AIG1: variants seen among roughly 807,000 people sequenced by gnomAD.
The protein encoded by AIG1 is androgen-induced gene 1 protein.
Under a neutral mutation model 31.4 loss-of-function variants are expected in AIG1, and 23 were observed. The ratio of observed to expected loss-of-function variants is 0.73; its 90% confidence interval spans 0.53 to 1.04. The LOEUF (loss-of-function observed/expected upper bound fraction) is 1.04. Among genes scored for constraint, AIG1 ranks in the 50% least tolerant of loss-of-function variants. The pLI, the probability that AIG1 is intolerant of heterozygous loss-of-function variation, is 0.00. For missense variants in AIG1, 274 were observed against 295.0 expected (o/e 0.93, Z 0.52); for synonymous variants, 100 against 110.5 (o/e 0.90, Z 0.60).
intron 3 of AIG1, among the ~76,000 whole-genome samples, chr6:143,247,240 C>T (rs1290897062): frequency 3.3e-5 from 5 of 152,188 alleles, no homozygotes; most frequent in Admixed American, 1.3e-4. Flanking sequence ...CAGGCGATTC[C>T]CCTGCTTCAG....
chr6:143,219,894 C>A (rs1023600775), intron 3 of AIG1, among the ~76,000 whole-genome samples: 2 of 152,188 alleles, frequency 1.3e-5, no homozygotes, highest in Non-Finnish European at 2.9e-5. Flanking sequence ...CCTCTGTCTG[C>A]CTTCACTACA....
At chr6:143,191,300 A>G (rs1297478761) in intron 3 of AIG1, among the ~76,000 whole-genome samples, 2 of 152,146 alleles carry the variant, frequency 1.3e-5, no homozygotes, top group Non-Finnish European at 2.9e-5. Flanking sequence ...TTAATATTTA[A>G]TATAAGATTA....
intron 3 of AIG1, among the ~76,000 whole-genome samples, chr6:143,261,217 C>A (rs371774426): frequency 6.6e-6 from 1 of 152,130 alleles, no homozygotes; most frequent in Non-Finnish European, 1.5e-5. Flanking sequence ...CTGCAATCTC[C>A]GCCTCCCGGG....
At chr6:143,212,407 C>T (rs1176775858) in intron 3 of AIG1, among the ~76,000 whole-genome samples, 1 of 152,160 alleles carries the variant, frequency 6.6e-6, no homozygotes. Flanking sequence ...GGAAGGAGCA[C>T]ACAATGTGAG....
At chr6:143,175,173 C>T (rs931774310) in intron 3 of AIG1, among the ~76,000 whole-genome samples, 7 of 152,222 alleles carry the variant, frequency 4.6e-5, no homozygotes, top group Non-Finnish European at 8.8e-5. Context: ...GAGAAATCTG[C>T]GGTTAATCTG....
At chr6:143,337,750 G>T (rs559653377) in intron 5 of AIG1, among the ~76,000 whole-genome samples, 18 of 152,190 alleles carry the variant, frequency 1.2e-4, no homozygotes, top group Non-Finnish European at 1.5e-5. Flanking sequence ...GCCCATCCAG[G>T]TCTAGCGATG....
chr6:143,157,048 T>A (rs1012192300), intron 2 of AIG1, among the ~76,000 whole-genome samples: 2 of 152,246 alleles, frequency 1.3e-5, no homozygotes, highest in Admixed American at 1.3e-4. Context: ...AAATTTATTT[T>A]TAGACCTTGC....
At chr6:143,219,755 C>A (rs1286184128) in intron 3 of AIG1, among the ~76,000 whole-genome samples, 1 of 152,092 alleles carries the variant, frequency 6.6e-6, no homozygotes. Context: ...AAATTCTCTA[C>A]TCTCCCATGG....
chr6:143,107,785 C>T (rs1023664028), intron 1 of AIG1, among the ~76,000 whole-genome samples: 1 of 152,158 alleles, frequency 6.6e-6, no homozygotes, highest in Non-Finnish European at 1.5e-5. Context: ...TAGAGATCAA[C>T]TAAAATATCC....
chr6:143,110,933 GGATTTACCTTCTTAAATCTTT>G (rs1454080734), intron 1 of AIG1, among the ~76,000 whole-genome samples: 2 of 152,068 alleles, frequency 1.3e-5, no homozygotes, highest in Admixed American at 6.5e-5. Context: ...GTTATATCCT[GGATTTACCTTCTTAAATCTTT>G]GATTTACCAT....
intron 3 of AIG1, among the ~76,000 whole-genome samples, chr6:143,272,856 C>T (rs537594617): frequency 1.0e-3 from 156 of 152,262 alleles, no homozygotes; most frequent in Middle Eastern, 3.4e-3. Context: ...TTTGGCCAGG[C>T]GCGGTGGCTC....
chr6:143,098,431 C>T (rs1779979729), intron 1 of AIG1, among the ~76,000 whole-genome samples: 1 of 152,146 alleles, frequency 6.6e-6, no homozygotes, highest in East Asian at 1.9e-4. Flanking sequence ...TCTTAGCCTC[C>T]CTTACTGGTT....
chr6:143,207,012 G>A (rs150390968), intron 3 of AIG1, among the ~76,000 whole-genome samples: 1 of 152,260 alleles, frequency 6.6e-6, no homozygotes, highest in East Asian at 1.9e-4. Context: ...TGCCAATTAA[G>A]ATGTCATAAG....
chr6:143,179,729 G>A (rs1350186296), intron 3 of AIG1, among the ~76,000 whole-genome samples: 1 of 152,088 alleles, frequency 6.6e-6, no homozygotes, highest in Non-Finnish European at 1.5e-5. Context: ...AATTAGAAAA[G>A]TAACGCAATC....
At chr6:143,221,930 G>A (rs1792549264) in intron 3 of AIG1, among the ~76,000 whole-genome samples, 2 of 152,216 alleles carry the variant, frequency 1.3e-5, no homozygotes, top group Non-Finnish European at 2.9e-5. Context: ...CTGTACTACA[G>A]TCGACAGGAT....
chr6:143,083,108 G>A (rs1778425645), intron 1 of AIG1, among the ~76,000 whole-genome samples: 2 of 152,246 alleles, frequency 1.3e-5, no homozygotes, highest in African/African-American at 2.4e-5. Context: ...GAGGGCCCTG[G>A]TGCCTTTGGA....
At chr6:143,125,522 G>C (rs1429342557) in intron 1 of AIG1, among the ~76,000 whole-genome samples, 1 of 152,156 alleles carries the variant, frequency 6.6e-6, no homozygotes, top group Non-Finnish European at 1.5e-5. Context: ...TAAGATTTTT[G>C]AGTAGCTCAT....
chr6:143,116,890 A>T (rs1781785450), intron 1 of AIG1, among the ~76,000 whole-genome samples: 1 of 151,970 alleles, frequency 6.6e-6, no homozygotes, highest in Non-Finnish European at 1.5e-5. Flanking sequence ...GGCAACCTTC[A>T]TGCAATCCCA....
intron 1 of AIG1, among the ~76,000 whole-genome samples, chr6:143,109,208 T>G (rs866832442): frequency 2.0e-5 from 3 of 152,308 alleles, no homozygotes; most frequent in Middle Eastern, 3.4e-3. Flanking sequence ...AGGACTGCAT[T>G]TGTTCTTTTT....
Sources: allele counts gnomAD v4.1 joint callset (sites outside exome capture counted in the v4.1 genomes callset), GRCh38; gene constraint gnomAD v4.1.1; transcripts MANE v1.5; gene names NCBI Gene and HGNC (gene_info 2026-07-23, HGNC 2026-07-21).